ZNF366: variants seen among roughly 807,000 people sequenced by gnomAD.
ZNF366 encodes zinc finger protein 366, also known as dendritic cell-specific transcript protein.
ZNF366 carries 20 observed loss-of-function variants against 47.2 expected under a neutral mutation model. The ratio of observed to expected loss-of-function variants is 0.42; its 90% confidence interval spans 0.30 to 0.62. The LOEUF (loss-of-function observed/expected upper bound fraction) is 0.62. Among genes scored for constraint, ZNF366 ranks in the 20% least tolerant of loss-of-function variants. The probability of loss-of-function intolerance (pLI) is 0.16; values close to 1 mark genes in which losing one functional copy is unlikely to be tolerated. For synonymous variants in ZNF366, 421 were observed against 395.1 expected (o/e 1.07, Z -0.78); for missense variants, 987 against 976.3 (o/e 1.01, Z -0.15).
At chr5:72,494,819 G>A (rs930863497) in intron 1 of ZNF366, among the ~76,000 whole-genome samples, 2 of 152,000 alleles carry the variant, frequency 1.3e-5, no homozygotes, top group African/African-American at 2.4e-5. Context: ...CATTTTTGTC[G>A]AATGACTACT....
intron 1 of ZNF366, among the ~76,000 whole-genome samples, chr5:72,472,243 C>T (rs1384776254): frequency 6.6e-6 from 1 of 152,128 alleles, no homozygotes; most frequent in Non-Finnish European, 1.5e-5. Flanking sequence ...ATTTTAGGAG[C>T]TACTAGAGGA....
chr5:72,449,103 T>G (rs1450599408), intron 3 of ZNF366, among the ~76,000 whole-genome samples: 3 of 152,212 alleles, frequency 2.0e-5, no homozygotes, highest in African/African-American at 7.2e-5. Flanking sequence ...AAGCAATATG[T>G]AAGATAGATG....
intron 1 of ZNF366, among the ~76,000 whole-genome samples, chr5:72,496,547 CT>C (rs1744116658): frequency 6.6e-6 from 1 of 151,964 alleles, no homozygotes; most frequent in Admixed American, 6.6e-5. Flanking sequence ...ATTTATGAGC[CT>C]TTGGATTGTT....
At chr5:72,473,411 A>G (rs533222070) in intron 1 of ZNF366, among the ~76,000 whole-genome samples, 24 of 152,264 alleles carry the variant, frequency 1.6e-4, no homozygotes, top group Admixed American at 3.3e-4. Context: ...TCCTTATCTG[A>G]TATATAGAGC....
intron 1 of ZNF366, among the ~76,000 whole-genome samples, chr5:72,484,495 A>AAAAT (rs1313925109): frequency 2.1e-5 from 3 of 145,844 alleles, no homozygotes; most frequent in African/African-American, 7.7e-5. Context: ...AAAAAAAAAA[A>AAAAT]AATAATAATA....
chr5:72,470,054 A>C (rs1422004427), intron 1 of ZNF366, among the ~76,000 whole-genome samples: 1 of 152,156 alleles, frequency 6.6e-6, no homozygotes, highest in Non-Finnish European at 1.5e-5. Flanking sequence ...TAAAAAATAA[A>C]TAATAATAAT....
rs777879743 is a variant in ZNF366, at chr5:72,447,267, T to G, written c.1675A>C (p.Met559Leu). 1 of 1,614,220 alleles carries G rather than the reference T, an allele frequency of 6.2e-7. No individual in the cohort carries two copies. ...CCTTGGGAATGAAGGCCCCGCTCCA[T>G]GACTCCATGCTTGACTTTCATGTGG... ...TRHMKVKHGV[M>L]ERGLHSQGLG... Residue 559 changes from methionine (M) to leucine (L), a missense_variant, in exon 4 of 5, where the codon ATG becomes CTG. Physicochemically the swap from Met to Leu is conservative, Grantham distance 15. Coordinates refer to ENST00000318442, the MANE Select transcript of ZNF366 (RefSeq NM_152625.3).
chr5:72,462,547 C>CTTTCTTTCTTTCTTTCT (rs11275151), intron 1 of ZNF366, among the ~76,000 whole-genome samples: 8,155 of 78,520 alleles, frequency 0.1, 703 homozygotes, highest in East Asian at 0.32. Context: ...TTCTTTCTTT[C>CTTTCTTTCTTTCTTTCT]TTTTTTTTTT....
At chr5:72,451,510 G>A (rs946845983) in intron 3 of ZNF366, among the ~76,000 whole-genome samples, 2 of 152,238 alleles carry the variant, frequency 1.3e-5, no homozygotes, top group African/African-American at 4.8e-5. Context: ...TATGAAGGTT[G>A]TTGTGAGGAT....
At position 72,501,985 on chromosome 5, in the gene ZNF366, A is replaced by G. The variant is rs1455133908; in HGVS notation, c.-15+5266T>C. On this transcript the variant is annotated intron_variant, in intron 1 of 4. Coordinates refer to ENST00000318442, the MANE Select transcript of ZNF366 (RefSeq NM_152625.3). Reference sequence around the variant, plus strand: ...TTCCAGTCAATTCAGGTGAGGGATAAATCCATCAAGCTGGCAGTTTGGCAT... The same window carrying G: ...TTCCAGTCAATTCAGGTGAGGGATAGATCCATCAAGCTGGCAGTTTGGCAT... 5.9e-5 allele frequency among the ~76,000 whole-genome samples: 9 copies of G among 152,198 alleles called. No homozygotes were observed. The South Asian group carries it at 1.9e-3, about 32-fold the overall frequency.
intron 1 of ZNF366, among the ~76,000 whole-genome samples, chr5:72,484,728 C>T (rs185156834): frequency 5.2e-4 from 79 of 152,124 alleles, no homozygotes; most frequent in Admixed American, 1.0e-3. Context: ...ACTTCCTTAT[C>T]CAGAGTCAAT....
At position 72,458,242 on chromosome 5, in the gene ZNF366, TCCTGA is replaced by T. The variant is rs1743230662; in HGVS notation, c.1333-1652_1333-1648del. 2.0e-5 allele frequency among the ~76,000 whole-genome samples: 3 copies of T among 152,186 alleles called. No homozygotes were observed. In the South Asian group the frequency reaches 6.2e-4, roughly 32 times the overall value. ...CGTGTTAGCCAGGATGGTCTCGATC[TCCTGA>T]CCTTGTGATCCGCCCGTCTCGGCCT... On this transcript the variant is annotated intron_variant, in intron 2 of 4. Transcript: ENST00000318442.
chr5:72,483,915 G>A lies in ZNF366; in HGVS notation c.-14-22405C>T, dbSNP rs141602916. On this transcript the variant is annotated intron_variant, in intron 1 of 4. Coordinates refer to ENST00000318442, the MANE Select transcript of ZNF366 (RefSeq NM_152625.3). ...GAAAGTTTAAAATCTAAGAAAGTCT[G>A]AAGATCTACTTAAAAAAAAAACTTT... Among the ~76,000 whole-genome samples, 13 of 152,052 alleles carry A rather than the reference G, an allele frequency of 8.5e-5. 1 individual carries two copies. The South Asian group carries it at 2.3e-3, about 27-fold the overall frequency.
intron 1 of ZNF366, among the ~76,000 whole-genome samples, chr5:72,467,229 T>C (rs940947281): frequency 1.3e-5 from 2 of 152,182 alleles, no homozygotes; most frequent in Non-Finnish European, 2.9e-5. Flanking sequence ...AGGCTATAAA[T>C]CAAGAAACAA....
chr5:72,458,622 T>G (rs1047147521), intron 2 of ZNF366, among the ~76,000 whole-genome samples: 11 of 152,116 alleles, frequency 7.2e-5, no homozygotes, highest in Non-Finnish European at 1.6e-4. Context: ...CACTGTAGAG[T>G]GGCCAAGGCA....
chr5:72,498,518 T>C (rs891647009), intron 1 of ZNF366, among the ~76,000 whole-genome samples: 2 of 152,226 alleles, frequency 1.3e-5, no homozygotes, highest in Non-Finnish European at 2.9e-5. Context: ...AGTAAGTGAA[T>C]GAAGTGCTTT....
intron 1 of ZNF366, among the ~76,000 whole-genome samples, chr5:72,467,353 G>A (rs1743452108): frequency 6.6e-6 from 1 of 152,162 alleles, no homozygotes; most frequent in Non-Finnish European, 1.5e-5. Flanking sequence ...GGGAAATCGG[G>A]AATGAATGAA....
chr5:72,451,783 G>T (rs1167266812), intron 3 of ZNF366, among the ~76,000 whole-genome samples: 1 of 152,216 alleles, frequency 6.6e-6, no homozygotes, highest in Non-Finnish European at 1.5e-5. Flanking sequence ...GGAAAAAGAG[G>T]CTTCATCCAA....
rs1247766767 is a variant in ZNF366 at position 72,460,348 on chromosome 5, G to C, written c.1149C>G (p.His383Gln). The C allele has an allele frequency of 6.2e-7, 1 of 1,614,244 alleles. No individual in the cohort carries two copies. Among genetic ancestry groups the C allele is most frequent in the Non-Finnish European group, 8.5e-7 (1 of 1,180,042 alleles). The change falls in exon 2 of 5, where the codon CAC becomes CAG. Residue 383 changes from histidine to glutamine, a missense_variant. Transcript: ENST00000318442. ...GGATGGGGCCCCGGTGCGTGGTGAG[G>C]TGTCTCTTCAGCTGGGCCAAGGTGG... ...DFPTLAQLKRHLTTHRGPIQY... is the reference protein window; with the variant it reads ...DFPTLAQLKRQLTTHRGPIQY...
Sources: gnomAD v4.1 joint callset for allele counts (sites outside exome capture counted in the v4.1 genomes callset) on GRCh38, gnomAD v4.1.1 for gene constraint, MANE v1.5 for transcripts, NCBI Gene and HGNC (gene_info 2026-07-23, HGNC 2026-07-21) for gene names.